RNGTT: variants seen among roughly 807,000 people sequenced by gnomAD.
RNGTT encodes mRNA-capping enzyme.
A neutral mutation model predicts 79.3 loss-of-function variants in RNGTT; 33 were observed. That is an observed-to-expected ratio of 0.42 (90% confidence interval 0.32 to 0.56). The LOEUF (loss-of-function observed/expected upper bound fraction) is 0.56. Ranked by LOEUF, RNGTT falls within the 20% of genes least tolerant of loss-of-function variation. The pLI is 0.17. For synonymous variants in RNGTT, 222 were observed against 235.9 expected, an observed-to-expected ratio of 0.94 and a Z score of 0.54; for missense variants, 497 against 739.1, an observed-to-expected ratio of 0.67 and a Z score of 3.80.
intron 4 of RNGTT, among the ~76,000 whole-genome samples, chr6:88,912,043 T>A (rs1783844580): frequency 6.6e-6 from 1 of 152,000 alleles, no homozygotes; most frequent in Non-Finnish European, 1.5e-5. Flanking sequence ...AGATTGTGCC[T>A]CTGAATTCCA....
intron 12 of RNGTT, among the ~76,000 whole-genome samples, chr6:88,798,317 T>C (rs1399839369): frequency 6.6e-6 from 1 of 151,886 alleles, no homozygotes; most frequent in Non-Finnish European, 1.5e-5. Context: ...ATACAAAAAT[T>C]AGCAAGGCGT....
intron 12 of RNGTT, among the ~76,000 whole-genome samples, chr6:88,778,569 C>T (rs78990649): frequency 0.026 from 4,006 of 152,250 alleles, 175 homozygotes; most frequent in African/African-American, 0.091. Flanking sequence ...CACAGCACTG[C>T]AGCCTTGAAC....
chr6:88,951,508 G>T (rs1045737285), intron 1 of RNGTT, among the ~76,000 whole-genome samples: 3 of 152,112 alleles, frequency 2.0e-5, no homozygotes, highest in African/African-American at 7.2e-5. Flanking sequence ...CTGATTTCAA[G>T]AACTTGCCAC....
intron 13 of RNGTT, among the ~76,000 whole-genome samples, chr6:88,707,207 C>T (rs1776156649): frequency 6.6e-6 from 1 of 151,994 alleles, no homozygotes; most frequent in African/African-American, 2.4e-5. Flanking sequence ...GAAAAGATGA[C>T]ATCAGAAATC....
In RNGTT at chr6:88,614,339, G is replaced by C. The variant is rs201807607; in HGVS notation, c.1563C>G (p.Asn521Lys). The C allele has an allele frequency of 3.8e-5, 61 of 1,613,460 alleles. No individual in the cohort carries two copies. In the Middle Eastern group the frequency reaches 9.9e-4, roughly 26 times the overall value. Residue 521 changes from asparagine (N) to lysine (K), a missense_variant, in exon 15 of 16, where the codon AAC becomes AAG. Coordinates refer to ENST00000369485, the MANE Select transcript of RNGTT (RefSeq NM_003800.5). ...TCTGTCTCATGAAGACCCAGCTGTT[G>C]TTCTCAAATTTGCATTCTATAATTT... ...DNKIIECKFE[N>K]NSWVFMRQRT...
Position 88,616,707 on chromosome 6 carries a change from T to C in RNGTT, c.1507-2312A>G, listed in dbSNP as rs527935599. On this transcript the variant is annotated intron_variant, in intron 14 of 15. Transcript: ENST00000369485. ...TTTCTTCAGTATACTTTCTTCAGTA[T>C]ACAAGAAACTTTGTCAATTTTTTTA... Among the ~76,000 whole-genome samples, 13 of 152,332 alleles carry C rather than the reference T, an allele frequency of 8.5e-5. No individual in the cohort carries two copies. In the South Asian group the frequency reaches 2.7e-3, roughly 32 times the overall value.
intron 2 of RNGTT, among the ~76,000 whole-genome samples, chr6:88,933,755 C>A (rs1784579623): frequency 6.6e-6 from 1 of 152,106 alleles, no homozygotes; most frequent in Non-Finnish European, 1.5e-5. Flanking sequence ...TTCATTTTTT[C>A]TTCATGGCTG....
At chr6:88,805,719 GA>G (rs1235985826) in intron 11 of RNGTT, among the ~76,000 whole-genome samples, 1 of 151,934 alleles carries the variant, frequency 6.6e-6, no homozygotes, top group East Asian at 1.9e-4. Flanking sequence ...GAAAAACTAA[GA>G]AAACTCCACA....
intron 2 of RNGTT, among the ~76,000 whole-genome samples, chr6:88,935,854 T>C (rs566612586): frequency 3.3e-5 from 5 of 152,334 alleles, no homozygotes; most frequent in South Asian, 2.1e-4. Flanking sequence ...CCTTCTTGAT[T>C]TCTTTCTCAG....
chr6:88,730,039 C>T (rs1468932691), intron 13 of RNGTT, among the ~76,000 whole-genome samples: 1 of 152,136 alleles, frequency 6.6e-6, no homozygotes, highest in African/African-American at 2.4e-5. Context: ...CTTAACTGTC[C>T]TCCACCTTAT....
chr6:88,646,438 T>C (rs1582273941), intron 14 of RNGTT, among the ~76,000 whole-genome samples: 1 of 152,250 alleles, frequency 6.6e-6, no homozygotes, highest in East Asian at 1.9e-4. Context: ...AGTGTGGTGA[T>C]TCCTCAGGGA....
At chr6:88,902,823 G>C (rs946503954) in intron 6 of RNGTT, among the ~76,000 whole-genome samples, 7 of 150,662 alleles carry the variant, frequency 4.6e-5, no homozygotes, top group East Asian at 3.9e-4. Context: ...GGCCTCCCGA[G>C]TAGCTGGGAC....
intron 13 of RNGTT, among the ~76,000 whole-genome samples, chr6:88,704,714 A>G (rs1776072671): frequency 6.6e-6 from 1 of 152,102 alleles, no homozygotes; most frequent in Non-Finnish European, 1.5e-5. Context: ...GCTCTATCCA[A>G]CCTCTTCAGA....
At chr6:88,773,941 A>T (rs1316751807) in intron 12 of RNGTT, among the ~76,000 whole-genome samples, 1 of 152,210 alleles carries the variant, frequency 6.6e-6, no homozygotes, top group Non-Finnish European at 1.5e-5. Context: ...AAGCAACAAA[A>T]GAAAAACTAC....
intron 13 of RNGTT, among the ~76,000 whole-genome samples, chr6:88,756,563 T>C (rs1412143059): frequency 2.0e-5 from 3 of 152,188 alleles, no homozygotes; most frequent in Non-Finnish European, 4.4e-5. Context: ...GACTAAATTC[T>C]TGTGTTAAAA....
chr6:88,924,861 C>T (rs560533348), intron 4 of RNGTT, among the ~76,000 whole-genome samples: 11 of 151,890 alleles, frequency 7.2e-5, no homozygotes, highest in Non-Finnish European at 1.6e-4. Context: ...GTAGCTGGGA[C>T]TACAGGAGTA....
intron 13 of RNGTT, among the ~76,000 whole-genome samples, chr6:88,755,296 T>C (rs533962623): frequency 9.9e-5 from 15 of 152,112 alleles, no homozygotes; most frequent in Admixed American, 4.6e-4. Context: ...GAAAAAGTGG[T>C]AGGTGACAAA....
chr6:88,668,454 T>C (rs1432322524), intron 14 of RNGTT, among the ~76,000 whole-genome samples: 2 of 152,232 alleles, frequency 1.3e-5, no homozygotes, highest in African/African-American at 4.8e-5. Flanking sequence ...AATTTGGACT[T>C]GTTCAATAAG....
intron 2 of RNGTT, among the ~76,000 whole-genome samples, chr6:88,939,894 A>T (rs1050304758): frequency 6.0e-5 from 9 of 150,986 alleles, no homozygotes; most frequent in Admixed American, 2.0e-4. Context: ...CTGGGACTAC[A>T]GGCACACACC....
Sources: gnomAD v4.1 joint callset for allele counts (sites outside exome capture counted in the v4.1 genomes callset) on GRCh38, gnomAD v4.1.1 for gene constraint, MANE v1.5 for transcripts, NCBI Gene and HGNC (gene_info 2026-07-23, HGNC 2026-07-21) for gene names.